Variants in ZNF385D observed in about 807,000 individuals in gnomAD.
The protein encoded by ZNF385D is zinc finger protein 659.
Under a neutral mutation model 35.8 loss-of-function variants are expected in ZNF385D, and 15 were observed. The observed-to-expected ratio is 0.42, with a 90% CI of 0.28 to 0.64. ZNF385D has a LOEUF of 0.64. Ranked by LOEUF, ZNF385D falls within the 30% of genes least tolerant of loss-of-function variation. The pLI is 0.23. For synonymous variants in ZNF385D, 212 were observed against 186.8 expected, an observed-to-expected ratio of 1.13 and a Z score of -1.10; for missense variants, 474 against 494.6, an observed-to-expected ratio of 0.96 and a Z score of 0.39.
chr3:21,844,453 C>A (rs1381824697), intron 3 of ZNF385D, among the ~76,000 whole-genome samples: 1 of 150,256 alleles, frequency 6.7e-6, no homozygotes, highest in East Asian at 1.9e-4. Flanking sequence ...TGATAGGCAA[C>A]CTGGATGCTA....
At chr3:21,632,955 GT>G (rs2065323452) in intron 2 of ZNF385D, among the ~76,000 whole-genome samples, 1 of 151,994 alleles carries the variant, frequency 6.6e-6, no homozygotes, top group South Asian at 2.1e-4. Flanking sequence ...TTATAGGGAA[GT>G]TTTTGTTATC....
rs185178213 is a variant in ZNF385D at position 21,940,424 on chromosome 3, G to A, written c.325+228393C>T. 6.6e-4 allele frequency among the ~76,000 whole-genome samples: 101 copies of A among 152,240 alleles called. 2 individuals carry two copies. The highest frequency in any genetic ancestry group is 1.3e-3 in the Non-Finnish European group (87 of 68,022). ...CAAGTAAATTGGATGTGAAGATTAG[G>A]AAATACATATGTAAAGCACTATTTT... On this transcript the variant is annotated intron_variant, in intron 3 of 5. Coordinates refer to the ZNF385D transcript ENST00000494108.
At chr3:21,821,243 C>T (rs1253146149) in intron 3 of ZNF385D, among the ~76,000 whole-genome samples, 2 of 151,882 alleles carry the variant, frequency 1.3e-5, no homozygotes, top group East Asian at 3.9e-4. Context: ...AAAAAAATCT[C>T]CACCAAGCGT....
chr3:21,508,507 T>G (rs1283262793), intron 4 of ZNF385D, among the ~76,000 whole-genome samples: 1 of 152,026 alleles, frequency 6.6e-6, no homozygotes, highest in Non-Finnish European at 1.5e-5. Flanking sequence ...CCAGACTGCC[T>G]CCCCCTTCCA....
At chr3:21,462,973 A>C (rs1703273312) in intron 4 of ZNF385D, among the ~76,000 whole-genome samples, 1 of 152,162 alleles carries the variant, frequency 6.6e-6, no homozygotes, top group Non-Finnish European at 1.5e-5. Flanking sequence ...CAAGAGTGAA[A>C]ACTCTATCTC....
intron 2 of ZNF385D, among the ~76,000 whole-genome samples, chr3:22,319,047 T>A (rs1241350372): frequency 6.6e-6 from 1 of 152,192 alleles, no homozygotes; most frequent in African/African-American, 2.4e-5. Context: ...TATAAATTTG[T>A]TCCATTTCAT....
chr3:22,000,132 C>T (rs998884155), intron 3 of ZNF385D, among the ~76,000 whole-genome samples: 5 of 151,950 alleles, frequency 3.3e-5, no homozygotes, highest in South Asian at 4.1e-4. Flanking sequence ...AGTGAAACCC[C>T]GTCTCTACTC....
intron 4 of ZNF385D, among the ~76,000 whole-genome samples, chr3:21,491,411 A>G (rs912376458): frequency 6.6e-6 from 1 of 152,066 alleles, no homozygotes; most frequent in African/African-American, 2.4e-5. Flanking sequence ...TAACTATAAC[A>G]TAAAAGAAAC....
At chr3:21,932,821 A>G (rs1399705363) in intron 3 of ZNF385D, among the ~76,000 whole-genome samples, 1 of 152,174 alleles carries the variant, frequency 6.6e-6, no homozygotes, top group South Asian at 2.1e-4. Context: ...TTTTACAAAT[A>G]TGCTTGTTCG....
intron 3 of ZNF385D, among the ~76,000 whole-genome samples, chr3:21,769,474 C>T (rs2070982188): frequency 7.8e-6 from 1 of 128,322 alleles, no homozygotes; most frequent in Non-Finnish European, 1.6e-5. Context: ...CATGAGTGAA[C>T]TCCCATTCAC....
At chr3:21,970,643 T>C (rs1288118219) in intron 3 of ZNF385D, among the ~76,000 whole-genome samples, 1 of 151,726 alleles carries the variant, frequency 6.6e-6, no homozygotes, top group Non-Finnish European at 1.5e-5. Flanking sequence ...GGTAGAAAGA[T>C]TATTCAAAAA....
At chr3:21,721,587 T>A (rs2068543407) in intron 1 of ZNF385D, among the ~76,000 whole-genome samples, 1 of 152,194 alleles carries the variant, frequency 6.6e-6, no homozygotes, top group Admixed American at 6.5e-5. Flanking sequence ...GTAGGCTACC[T>A]AATTTACTTT....
intron 3 of ZNF385D, among the ~76,000 whole-genome samples, chr3:22,085,124 G>A (rs1700960059): frequency 6.6e-6 from 1 of 152,106 alleles, no homozygotes; most frequent in Non-Finnish European, 1.5e-5. Flanking sequence ...GAGAAAGCAG[G>A]AAAGATCTAA....
intron 3 of ZNF385D, among the ~76,000 whole-genome samples, chr3:22,009,327 T>TA (rs1559844923): frequency 3.7e-4 from 56 of 151,930 alleles, no homozygotes; most frequent in African/African-American, 1.3e-3. Flanking sequence ...TAAATATTTT[T>TA]TAAAAAATAG....
rs115368320 is a variant in ZNF385D at position 22,140,072 on chromosome 3, C to T, written c.325+28745G>A. Reference sequence around the variant, plus strand: ...TCTTATAAAGCTAAACATATATTACCACCCAACCCATCAATTTCATTCCTA... The same window carrying T: ...TCTTATAAAGCTAAACATATATTACTACCCAACCCATCAATTTCATTCCTA... On this transcript the variant is annotated intron_variant, in intron 3 of 5. Transcript: ENST00000494108. Among the ~76,000 whole-genome samples the T allele has an allele frequency of 6.4e-3, 972 of 152,218 alleles. 8 individuals are homozygous for T. Among genetic ancestry groups the T allele is most frequent in the African/African-American group, 0.022 (934 of 41,540 alleles).
At chr3:21,990,063 C>T (rs140853925) in intron 3 of ZNF385D, among the ~76,000 whole-genome samples, 37 of 152,280 alleles carry the variant, frequency 2.4e-4, no homozygotes, top group African/African-American at 8.7e-4. Flanking sequence ...ACCCTGACTC[C>T]AAATGCAAGA....
chr3:21,762,526 A>C (rs968952269), intron 3 of ZNF385D, among the ~76,000 whole-genome samples: 3 of 152,062 alleles, frequency 2.0e-5, no homozygotes, highest in African/African-American at 4.8e-5. Context: ...TATCACTTGG[A>C]TCTTACTAGT....
At position 21,805,010 on chromosome 3, in the gene ZNF385D, G is replaced by T. The variant is rs188261506; in HGVS notation, c.326-139982C>A. 9.1e-4 allele frequency among the ~76,000 whole-genome samples: 139 copies of T among 152,266 alleles called. 1 individual carries two copies. Among genetic ancestry groups the T allele is most frequent in the African/African-American group, 3.1e-3 (129 of 41,560 alleles). ...TGATTCCTATTGAACCCTGGAGGTG[G>T]GGTGGAAAAGAACCAACCTGATAAT... On this transcript the variant is annotated intron_variant, in intron 3 of 5. Coordinates refer to the ZNF385D transcript ENST00000494108.
intron 2 of ZNF385D, among the ~76,000 whole-genome samples, chr3:22,238,801 G>A (rs1699333221): frequency 6.6e-6 from 1 of 150,716 alleles, no homozygotes; most frequent in Non-Finnish European, 1.5e-5. Context: ...GTTGTGAACA[G>A]GGCTCACTGC....
Sources: gnomAD v4.1 joint callset for allele counts (sites outside exome capture counted in the v4.1 genomes callset) on GRCh38, gnomAD v4.1.1 for gene constraint, MANE v1.5 for transcripts, NCBI Gene and HGNC (gene_info 2026-07-23, HGNC 2026-07-21) for gene names.